The following CTNNA2 variants were observed in gnomAD, a reference collection of about 807,000 sequenced individuals.
The protein encoded by CTNNA2 is catenin alpha 2, also known as catenin alpha-2.
Under a neutral mutation model 101.0 loss-of-function variants are expected in CTNNA2, and 42 were observed. The ratio of observed to expected loss-of-function variants is 0.42; its 90% CI spans 0.32 to 0.54. CTNNA2 has a LOEUF of 0.54. Ranked by LOEUF, CTNNA2 falls within the 20% of genes least tolerant of loss-of-function variation. The pLI is 0.14. For synonymous variants in CTNNA2, 450 were observed against 456.4 expected, an observed-to-expected ratio of 0.99 and a Z score of 0.18; for missense variants, 871 against 1,223.1, an observed-to-expected ratio of 0.71 and a Z score of 4.29.
chr2:79,222,256 T>G (rs1459962798), intron 2 of CTNNA2, among the ~76,000 whole-genome samples: 1 of 152,206 alleles, frequency 6.6e-6, no homozygotes, highest in Non-Finnish European at 1.5e-5. Context: ...AGCCATGAAA[T>G]GTGTGTTGTC....
At chr2:80,437,832 C>A (rs947624711) in intron 9 of CTNNA2, among the ~76,000 whole-genome samples, 4 of 152,178 alleles carry the variant, frequency 2.6e-5, no homozygotes, top group African/African-American at 7.2e-5. Context: ...AATCCCTTCT[C>A]TACGAAAAAT....
At chr2:80,226,196 C>T (rs898424110) in intron 7 of CTNNA2, among the ~76,000 whole-genome samples, 1 of 152,162 alleles carries the variant, frequency 6.6e-6, no homozygotes. Flanking sequence ...GTTAAAACAG[C>T]TCATTTGGAT....
chr2:79,672,643 AATAGG>A (rs1682916604), intron 2 of CTNNA2, among the ~76,000 whole-genome samples: 1 of 152,076 alleles, frequency 6.6e-6, no homozygotes, highest in African/African-American at 2.4e-5. Flanking sequence ...GAAAATAAAA[AATAGG>A]ATAACTACCT....
At chr2:79,407,403 C>G (rs1271335749) in intron 4 of CTNNA2, among the ~76,000 whole-genome samples, 2 of 151,864 alleles carry the variant, frequency 1.3e-5, no homozygotes, top group African/African-American at 4.8e-5. Flanking sequence ...TTGACTAATC[C>G]CAAGAACTAA....
rs1425512623 is a variant in CTNNA2, at chr2:80,555,770, G to T, written c.1618G>T (p.Ala540Ser). 1.9e-6 allele frequency: 3 copies of T among 1,599,692 alleles called. No individual in the cohort carries two copies. Among genetic ancestry groups the T allele is most frequent in the Admixed American group, 1.7e-5 (1 of 58,014 alleles). ...EGDVDTLDRT[A>S]GAIRGRAARV... is the part of the protein sequence containing the mutation. ...CGATGTGGACACTCTGGACCGGACT[G>T]CAGGGGCCATCAGGGGCCGGGCAGC... The change falls in exon 12 of 19, where the codon GCA becomes TCA. Residue 540 changes from alanine (A) to serine (S), a missense_variant. Physicochemically the swap from Ala to Ser is moderately conservative, Grantham distance 99. Transcript: ENST00000402739.
Position 80,647,605 on chromosome 2 carries a change from T to G in CTNNA2, c.2595T>G (p.Leu865=), listed in dbSNP as rs761160663. The G allele has an allele frequency of 6.2e-7, 1 of 1,612,750 alleles. No individual in the cohort carries two copies. The highest frequency in any genetic ancestry group is 8.5e-7 in the Non-Finnish European group (1 of 1,179,104). Residue 865 remains leucine (L), a synonymous_variant, in exon 19 of 19, where the codon CTT becomes CTG. Transcript: ENST00000402739. ...DSSMLDSATS[L]IQAAKNLMNA... ...TCTAGCTGGACAGTGCCACATCGCT[T>G]ATCCAGGCAGCTAAAAACCTGATGA... is the stretch of plus-strand genomic sequence containing the variant.
intron 14 of CTNNA2, among the ~76,000 whole-genome samples, chr2:80,587,747 T>G (rs2149732310): frequency 6.6e-6 from 1 of 152,272 alleles, no homozygotes; most frequent in Admixed American, 6.5e-5. Context: ...GAAACTGCAG[T>G]CCCCCAAACT....
At chr2:79,756,590 T>C (rs1672416479) in intron 3 of CTNNA2, among the ~76,000 whole-genome samples, 1 of 152,108 alleles carries the variant, frequency 6.6e-6, no homozygotes, top group African/African-American at 2.4e-5. Flanking sequence ...ATATTAAAAC[T>C]AGAAACTTTG....
intron 4 of CTNNA2, among the ~76,000 whole-genome samples, chr2:79,413,917 T>A (rs1678446900): frequency 6.8e-6 from 1 of 147,804 alleles, no homozygotes. Context: ...ATTGTTTTCT[T>A]ACTATTGAGC....
chr2:80,081,765 A>G (rs1158698104), intron 7 of CTNNA2, among the ~76,000 whole-genome samples: 2 of 135,280 alleles, frequency 1.5e-5, no homozygotes, highest in African/African-American at 3.0e-5. Flanking sequence ...CTCTTTCTCT[A>G]TTTCTGTGTG....
At chr2:79,590,734 G>A (rs1248644641) in intron 1 of CTNNA2, among the ~76,000 whole-genome samples, 4 of 151,984 alleles carry the variant, frequency 2.6e-5, no homozygotes, top group Non-Finnish European at 5.9e-5. Flanking sequence ...GGTAACTAGA[G>A]CTGCAATAAA....
At chr2:79,521,602 G>A (rs1456155080) in intron 1 of CTNNA2, among the ~76,000 whole-genome samples, 1 of 152,156 alleles carries the variant, frequency 6.6e-6, no homozygotes, top group Non-Finnish European at 1.5e-5. Context: ...GGGTGGAGGA[G>A]GTTAGGGGAC....
chr2:80,611,601 A>G (rs1384947730), intron 17 of CTNNA2, among the ~76,000 whole-genome samples: 4 of 151,598 alleles, frequency 2.6e-5, no homozygotes, highest in Non-Finnish European at 4.4e-5. Context: ...TTTAATCAGC[A>G]CCTTTAAAGT....
chr2:79,741,016 A>G (rs971158050), intron 2 of CTNNA2, among the ~76,000 whole-genome samples: 3 of 152,142 alleles, frequency 2.0e-5, no homozygotes, highest in Non-Finnish European at 2.9e-5. Flanking sequence ...GAGAAAAGGA[A>G]AATGTGCAGT....
intron 3 of CTNNA2, among the ~76,000 whole-genome samples, chr2:79,793,453 C>A (rs955151644): frequency 1.3e-5 from 2 of 152,126 alleles, no homozygotes; most frequent in African/African-American, 4.8e-5. Flanking sequence ...CAGGAAACAC[C>A]CATCCCTGAG....
intron 7 of CTNNA2, among the ~76,000 whole-genome samples, chr2:80,310,217 T>TA (rs1677431413): frequency 6.6e-6 from 1 of 152,128 alleles, no homozygotes; most frequent in Admixed American, 6.5e-5. Flanking sequence ...TCCAAAAAAA[T>TA]AAAACTTTCT....
intron 7 of CTNNA2, among the ~76,000 whole-genome samples, chr2:80,274,411 A>G (rs907328576): frequency 6.6e-6 from 1 of 152,148 alleles, no homozygotes; most frequent in Non-Finnish European, 1.5e-5. Flanking sequence ...AGACATTAAG[A>G]TAATTAAAAG....
Position 80,129,241 on chromosome 2 carries a change from A to G in CTNNA2, c.1056+219444A>G, listed in dbSNP as rs554561912. On this transcript the variant is annotated intron_variant, in intron 7 of 18. Transcript: ENST00000402739. ...CTTGAATTGCAGTCCTGGCTGTCTC[A>G]GTCAGGCTGATGGGAAGGCCCTGAA... Among the ~76,000 whole-genome samples the G allele has an allele frequency of 3.3e-5, 5 of 152,320 alleles. No homozygotes were observed. The East Asian group carries it at 9.7e-4, about 29-fold the overall frequency.
intron 7 of CTNNA2, among the ~76,000 whole-genome samples, chr2:80,197,067 C>T (rs545279190): frequency 6.6e-6 from 1 of 152,158 alleles, no homozygotes; most frequent in Non-Finnish European, 1.5e-5. Flanking sequence ...TAATACCTAC[C>T]CATCTTTCAG....
Sources: gnomAD v4.1 joint callset for allele counts (sites outside exome capture counted in the v4.1 genomes callset) on GRCh38, gnomAD v4.1.1 for gene constraint, MANE v1.5 for transcripts, NCBI Gene and HGNC (gene_info 2026-07-23, HGNC 2026-07-21) for gene names.